Variants in CATSPERE observed in about 807,000 individuals in gnomAD.
CATSPERE encodes the protein catsper channel auxiliary subunit epsilon, also known as cation channel sperm-associated auxiliary subunit epsilon.
Under a neutral mutation model 114.1 loss-of-function variants are expected in CATSPERE, and 93 were observed. The observed-to-expected ratio is 0.81, with a 90% confidence interval of 0.69 to 0.97. The LOEUF is 0.97. CATSPERE is among the 50% of genes least tolerant of loss of function. The pLI is 0.00. For synonymous variants in CATSPERE, 341 were observed against 384.1 expected (o/e 0.89, Z 1.31); for missense variants, 1,058 against 1,131.6 (o/e 0.93, Z 0.93).
chr1:244,572,393 C>G lies in CATSPERE; in HGVS notation c.1571C>G (p.Thr524Ser). 6.5e-7 allele frequency: 1 copy of G among 1,545,952 alleles called. No individual in the cohort carries two copies. Among genetic ancestry groups the G allele is most frequent in the African/African-American group, 1.4e-5 (1 of 73,506 alleles). Reference sequence around the variant, plus strand: ...GTAATATTTTATTCCAAGATTAATACTAGAGATGCAGTAAAGCTGCATTTA... The same window carrying G: ...GTAATATTTTATTCCAAGATTAATAGTAGAGATGCAGTAAAGCTGCATTTA... ...NNVIFYSKIN[T>S]RDAVKLHLWT... Residue 524 changes from threonine (T) to serine (S), a missense_variant, in exon 11 of 22, where the codon ACT (threonine) becomes AGT (serine). Thr to Ser is a moderately conservative substitution (Grantham distance 58, BLOSUM62 1). This residue lies in a region of CATSPERE where 787 missense variants were observed against 905.6 expected (regional missense o/e 0.87). Coordinates refer to ENST00000366534, the MANE Select transcript of CATSPERE (RefSeq NM_001130957.2).
At chr1:244,621,631 A>T (rs554691808) in intron 20 of CATSPERE, among the ~76,000 whole-genome samples, 1 of 151,848 alleles carries the variant, frequency 6.6e-6, no homozygotes, top group Non-Finnish European at 1.5e-5. Context: ...CACAAAACCA[A>T]CCTACAAAGT....
Position 244,620,445 on chromosome 1 carries a change from G to A in CATSPERE, c.2648+2759G>A, listed in dbSNP as rs1303666075. 1.1e-4 allele frequency among the ~76,000 whole-genome samples: 17 copies of A among 152,290 alleles called. No individual in the cohort carries two copies. In the South Asian group the frequency reaches 2.9e-3, roughly 26 times the overall value. On this transcript the variant is annotated intron_variant, in intron 20 of 21. Transcript: ENST00000366534. ...AGAATAGAAGCACATTGAGTGGGTC[G>A]TGGGGAGAATCTGCTGTATCTTACA...
intron 17 of CATSPERE, among the ~76,000 whole-genome samples, chr1:244,603,729 G>A (rs949881865): frequency 6.6e-6 from 1 of 151,652 alleles, no homozygotes; most frequent in Admixed American, 6.6e-5. Flanking sequence ...AATCTGGCCA[G>A]GCATGGTGGC....
At chr1:244,623,871 T>C (rs1236209598) in intron 20 of CATSPERE, among the ~76,000 whole-genome samples, 1 of 152,218 alleles carries the variant, frequency 6.6e-6, no homozygotes, top group African/African-American at 2.4e-5. Context: ...TTTTAGCAAG[T>C]CATAATCTTT....
intron 5 of CATSPERE, among the ~76,000 whole-genome samples, chr1:244,486,093 G>T (rs1670966818): frequency 6.6e-6 from 1 of 152,154 alleles, no homozygotes; most frequent in Non-Finnish European, 1.5e-5. Flanking sequence ...AATTTGTGAG[G>T]CCTGGTGTAA....
intron 19 of CATSPERE, 175 bp downstream of exon 19, chr1:244,610,501 T>C (rs6698180): frequency 0.7 from 484,379 of 691,350 alleles, 171,964 homozygotes; most frequent in Middle Eastern, 0.8. Flanking sequence ...TTAATTTCTG[T>C]GTGATCTTTT....
chr1:244,452,065 T>A (rs1665649933), upstream of CATSPERE: 2 of 341,472 alleles, frequency 5.9e-6, no homozygotes, highest in African/African-American at 2.1e-5. Flanking sequence ...GAAGAGGCCC[T>A]GGTGGCGGCA....
intron 2 of CATSPERE, among the ~76,000 whole-genome samples, chr1:244,476,618 A>G (rs1466531568): frequency 6.6e-6 from 1 of 152,220 alleles, no homozygotes; most frequent in Non-Finnish European, 1.5e-5. Context: ...AAAACACCAA[A>G]GCAATCTTCA....
intron 12 of CATSPERE, 118 bp from the exon 13 acceptor site, chr1:244,583,746 A>G: frequency 1.3e-6 from 1 of 786,822 alleles, no homozygotes; most frequent in East Asian, 2.7e-5. Context: ...GCCTCTAGAA[A>G]TTGGCGTGGG....
At chr1:244,527,357 A>G (rs534020811) in intron 8 of CATSPERE, among the ~76,000 whole-genome samples, 5 of 152,294 alleles carry the variant, frequency 3.3e-5, no homozygotes, top group Non-Finnish European at 7.4e-5. Context: ...GAATTCAGCG[A>G]TATTTCTCCC....
chr1:244,627,526 G>C (rs539696399), intron 20 of CATSPERE, among the ~76,000 whole-genome samples: 1 of 152,068 alleles, frequency 6.6e-6, no homozygotes, highest in South Asian at 2.1e-4. Context: ...AGTGAGCTGT[G>C]ACTGTGCCAC....
At position 244,566,499 on chromosome 1, in the gene CATSPERE, T is replaced by C. The variant is rs185042728; in HGVS notation, c.1507+5354T>C. Among the ~76,000 whole-genome samples the C allele has an allele frequency of 8.5e-5, 13 of 152,192 alleles. No individual in the cohort carries two copies. The East Asian group carries it at 2.5e-3, about 29-fold the overall frequency. ...TCTCTAAGAACTTGCTTTATGAATCTGGGTGCTCCTTTATTGGGTGCATGT... is the reference window on the plus strand; with the variant it reads ...TCTCTAAGAACTTGCTTTATGAATCCGGGTGCTCCTTTATTGGGTGCATGT... On this transcript the variant is annotated intron_variant, in intron 10 of 21. Transcript: ENST00000366534.
At chr1:244,619,184 C>T (rs530202093) in intron 20 of CATSPERE, among the ~76,000 whole-genome samples, 3 of 152,192 alleles carry the variant, frequency 2.0e-5, no homozygotes, top group East Asian at 1.9e-4. Context: ...GTTAACAATA[C>T]GGATGTGGGT....
At chr1:244,552,286 A>G in intron 8 of CATSPERE, 36 bp from the exon 9 acceptor site, 2 of 1,558,564 alleles carry the variant, frequency 1.3e-6, no homozygotes, top group South Asian at 1.3e-5. Flanking sequence ...CAGATGAGAG[A>G]GAGATCATTT....
intron 2 of CATSPERE, among the ~76,000 whole-genome samples, chr1:244,470,187 C>T (rs1339144339): frequency 6.6e-6 from 1 of 152,172 alleles, no homozygotes; most frequent in Admixed American, 6.5e-5. Flanking sequence ...ATAAATTGGA[C>T]ATCATCAAAA....
chr1:244,562,182 T>G (rs1165338610), intron 10 of CATSPERE, among the ~76,000 whole-genome samples: 2 of 144,166 alleles, frequency 1.4e-5, no homozygotes, highest in Non-Finnish European at 3.0e-5. Flanking sequence ...AAAGCTCCTG[T>G]GAGTTTGTCC....
Position 244,535,089 on chromosome 1 carries a change from C to A in CATSPERE, c.536+16391C>A, listed in dbSNP as rs577362293. 1.1e-4 allele frequency among the ~76,000 whole-genome samples: 17 copies of A among 152,320 alleles called. No homozygotes were observed. The East Asian group carries it at 3.3e-3, about 29-fold the overall frequency. The stretch of plus-strand genomic sequence containing the variant: ...CAGGCAAACACTCTTGTTCTCTTCT[C>A]TTACTTTCTGCCAAACAAACAGAAT... On this transcript the variant is annotated intron_variant, in intron 8 of 21. Coordinates refer to ENST00000366534, the MANE Select transcript of CATSPERE (RefSeq NM_001130957.2).
At chr1:244,637,809 C>T (rs1282092452) in intron 21 of CATSPERE, among the ~76,000 whole-genome samples, 1 of 152,166 alleles carries the variant, frequency 6.6e-6, no homozygotes, top group Non-Finnish European at 1.5e-5. Context: ...AACCTGCTTT[C>T]CTTAATCATC....
At chr1:244,593,370 A>G (rs1055759825) in intron 15 of CATSPERE, 25 bp from the exon 16 acceptor site, 80 of 1,610,502 alleles carry the variant, frequency 5.0e-5, no homozygotes, top group Non-Finnish European at 6.2e-5. Context: ...GGAAAGAGAA[A>G]TAATGAGGAA....
Sources: gnomAD v4.1 joint callset for allele counts (sites outside exome capture counted in the v4.1 genomes callset) on GRCh38, gnomAD v4.1.1 for gene constraint, gnomAD v4.1.1 regional missense constraint, MANE v1.5 for transcripts, NCBI Gene and HGNC (gene_info 2026-07-23, HGNC 2026-07-21) for gene names.